PDE1A: variants seen among roughly 807,000 people sequenced by gnomAD.
PDE1A encodes phosphodiesterase 1A.
PDE1A carries 35 observed loss-of-function variants against 61.7 expected under a neutral mutation model. The ratio of observed to expected loss-of-function variants is 0.57; its 90% CI spans 0.43 to 0.75. The LOEUF is 0.75. Among genes scored for constraint, PDE1A ranks in the 30% least tolerant of loss-of-function variants. The probability of loss-of-function intolerance (pLI) is 0.00; values close to 1 mark genes in which losing one functional copy is unlikely to be tolerated. For synonymous variants in PDE1A, 232 were observed against 213.2 expected, an observed-to-expected ratio of 1.09 and a Z score of -0.77; for missense variants, 597 against 630.6, an observed-to-expected ratio of 0.95 and a Z score of 0.57.
intron 1 of PDE1A, among the ~76,000 whole-genome samples, chr2:182,354,370 A>G (rs547212791): frequency 6.6e-6 from 1 of 152,272 alleles, no homozygotes; most frequent in South Asian, 2.1e-4. Flanking sequence ...ACATCCTATC[A>G]ATCCTGTAGT....
the PDE1A span, among the ~76,000 whole-genome samples, chr2:182,690,225 A>G: frequency 1.3e-5 from 2 of 152,190 alleles, no homozygotes; most frequent in Non-Finnish European, 2.9e-5. Flanking sequence ...GAGACACAAC[A>G]AAAAAATAAA....
the PDE1A span, among the ~76,000 whole-genome samples, chr2:182,620,394 T>G: frequency 6.6e-6 from 1 of 152,206 alleles, no homozygotes; most frequent in Non-Finnish European, 1.5e-5. Context: ...TTATAGCATC[T>G]ATAAATTTGT....
intron 4 of PDE1A, among the ~76,000 whole-genome samples, chr2:182,233,962 C>A (rs1689794640): frequency 6.6e-6 from 1 of 152,098 alleles, no homozygotes; most frequent in Non-Finnish European, 1.5e-5. Context: ...TTTTTTCTTT[C>A]TTAATTTTAT....
chr2:182,635,838 A>G, the PDE1A span, among the ~76,000 whole-genome samples: 5 of 151,936 alleles, frequency 3.3e-5, no homozygotes, highest in South Asian at 1.0e-3. Flanking sequence ...TAAGGAGGTA[A>G]ATTTTGATTA....
At chr2:182,377,820 T>C (rs1700499297) in intron 1 of PDE1A, among the ~76,000 whole-genome samples, 1 of 152,072 alleles carries the variant, frequency 6.6e-6, no homozygotes, top group East Asian at 1.9e-4. Context: ...AGAAATTGTA[T>C]TGTGTTCATA....
chr2:182,368,548 C>G (rs1479608026), intron 1 of PDE1A, among the ~76,000 whole-genome samples: 2 of 151,064 alleles, frequency 1.3e-5, no homozygotes, highest in African/African-American at 4.9e-5. Flanking sequence ...AAACAGAAGA[C>G]TACAATGGGG....
At chr2:182,494,336 T>C (rs1688581566) in intron 2 of PDE1A, among the ~76,000 whole-genome samples, 1 of 151,622 alleles carries the variant, frequency 6.6e-6, no homozygotes. Flanking sequence ...GTGTAGACTA[T>C]GGACTACACA....
chr2:182,619,851 G>A, the PDE1A span, among the ~76,000 whole-genome samples: 1 of 152,114 alleles, frequency 6.6e-6, no homozygotes, highest in Non-Finnish European at 1.5e-5. Context: ...CATGGTACCA[G>A]CACCTTGCAA....
At chr2:182,451,746 A>C (rs1685538034) in intron 2 of PDE1A, among the ~76,000 whole-genome samples, 1 of 152,138 alleles carries the variant, frequency 6.6e-6, no homozygotes, top group African/African-American at 2.4e-5. Context: ...AAGCAAACTG[A>C]GGATGCTCAG....
chr2:182,550,748 A>G, the PDE1A span, among the ~76,000 whole-genome samples: 1 of 152,136 alleles, frequency 6.6e-6, no homozygotes, highest in African/African-American at 2.4e-5. Flanking sequence ...GTGGGCAGCT[A>G]TCAGGAGTTG....
chr2:182,509,324 T>C (rs978074240), intron 2 of PDE1A, among the ~76,000 whole-genome samples: 17 of 152,138 alleles, frequency 1.1e-4, no homozygotes, highest in Non-Finnish European at 2.2e-4. Context: ...AGAAACAAAA[T>C]TGGGGAGTTT....
At chr2:182,272,709 G>GA (rs1693120014) in intron 1 of PDE1A, among the ~76,000 whole-genome samples, 1 of 152,012 alleles carries the variant, frequency 6.6e-6, no homozygotes, top group Non-Finnish European at 1.5e-5. Flanking sequence ...ACCTGTAAGG[G>GA]AAAAAATGGA....
chr2:182,348,100 T>C (rs2125082665), intron 1 of PDE1A, among the ~76,000 whole-genome samples: 1 of 152,302 alleles, frequency 6.6e-6, no homozygotes, highest in East Asian at 1.9e-4. Context: ...GCCAGCATTT[T>C]TGTCATTTAT....
exon 15 of PDE1A, chr2:182,141,274 G>A (rs1690216560): frequency 6.6e-6 from 1 of 152,104 alleles, no homozygotes; most frequent in African/African-American, 2.4e-5. Context: ...ATATTTTCAA[G>A]CTGGTAAATA....
At chr2:182,329,723 T>C (rs1008056499) in intron 1 of PDE1A, among the ~76,000 whole-genome samples, 5 of 152,184 alleles carry the variant, frequency 3.3e-5, no homozygotes, top group African/African-American at 9.6e-5. Flanking sequence ...TTCTATCTCC[T>C]ATCTGCAAAG....
At chr2:182,426,643 G>T in exon 1 of PDE1A, 1 of 1,612,352 alleles carries the variant, frequency 6.2e-7, no homozygotes, top group Non-Finnish European at 8.5e-7. Flanking sequence ...AAAGGTGAAG[G>T]TTTAACTTCT....
intron 1 of PDE1A, among the ~76,000 whole-genome samples, chr2:182,329,926 C>T (rs1047066853): frequency 6.6e-6 from 1 of 152,220 alleles, no homozygotes; most frequent in Non-Finnish European, 1.5e-5. Flanking sequence ...ATATTCCCCA[C>T]ACTTAAAATG....
At chr2:182,176,173 T>G (rs1692760418) in intron 13 of PDE1A, among the ~76,000 whole-genome samples, 1 of 148,392 alleles carries the variant, frequency 6.7e-6, no homozygotes. Context: ...TGCGGGCTCT[T>G]TTTTGGTTCC....
Position 182,201,675 on chromosome 2 carries a change from A to C in PDE1A, c.1004+13T>G, listed in dbSNP as rs777567636. 21 of 1,571,162 alleles carry C rather than the reference A, an allele frequency of 1.3e-5. No homozygotes were observed. Among genetic ancestry groups the C allele is most frequent in the Middle Eastern group, 1.7e-4 (1 of 5,878 alleles). ...CAAAAAAAAAAAAACAACAAAAAAAACACAAAACCTACCCTTCAGGCTGCT... is the reference window on the plus strand; with the variant it reads ...CAAAAAAAAAAAAACAACAAAAAAACCACAAAACCTACCCTTCAGGCTGCT... On this transcript the variant is annotated intron_variant, in intron 9 of 13. Coordinates refer to ENST00000351439, the Ensembl canonical transcript of PDE1A.
Sources: allele counts gnomAD v4.1 joint callset (sites outside exome capture counted in the v4.1 genomes callset), GRCh38; gene constraint gnomAD v4.1.1; transcripts MANE v1.5; gene names NCBI Gene and HGNC (gene_info 2026-07-23, HGNC 2026-07-21).